Variants in MYO3A observed in about 807,000 individuals in gnomAD.
The protein encoded by MYO3A is myosin-IIIa.
MYO3A carries 180 observed loss-of-function variants against 192.7 expected under a neutral mutation model. The ratio of observed to expected loss-of-function variants is 0.93; its 90% CI spans 0.83 to 1.06. The LOEUF is 1.06. MYO3A is among the 50% of genes least tolerant of loss of function. The pLI is 0.00. For synonymous variants in MYO3A, 628 were observed against 645.3 expected (o/e 0.97, Z 0.41); for missense variants, 1,896 against 1,905.0 (o/e 1.00, Z 0.09).
chr10:26,032,215 CT>C (rs1272551494), intron 10 of MYO3A, among the ~76,000 whole-genome samples: 1 of 152,176 alleles, frequency 6.6e-6, no homozygotes, highest in African/African-American at 2.4e-5. Flanking sequence ...AACTAGTCCA[CT>C]TGTCCCAGCA....
chr10:26,134,358 AACT>A (rs1839726143), intron 20 of MYO3A, among the ~76,000 whole-genome samples: 1 of 152,202 alleles, frequency 6.6e-6, no homozygotes, highest in African/African-American at 2.4e-5. Context: ...TTAACATAAA[AACT>A]AACAGGATCA....
intron 30 of MYO3A, among the ~76,000 whole-genome samples, chr10:26,176,046 GA>G (rs1251952070): frequency 6.6e-6 from 1 of 152,188 alleles, no homozygotes; most frequent in Non-Finnish European, 1.5e-5. Context: ...TGTAATCCCA[GA>G]ACTTTGGTAG....
chr10:26,038,366 C>T (rs1843150249), intron 10 of MYO3A, among the ~76,000 whole-genome samples: 1 of 151,880 alleles, frequency 6.6e-6, no homozygotes, highest in Non-Finnish European at 1.5e-5. Flanking sequence ...TTTGGTGTCC[C>T]CTTCAATTTC....
intron 34 of MYO3A, among the ~76,000 whole-genome samples, chr10:26,207,010 T>G (rs73594318): frequency 1.6e-3 from 245 of 152,310 alleles, no homozygotes; most frequent in African/African-American, 5.6e-3. Context: ...TGAGAAATGT[T>G]TATTTGGGTC....
chr10:26,179,089 ATTTTT>A (rs59025321), intron 31 of MYO3A, among the ~76,000 whole-genome samples: 5 of 66,136 alleles, frequency 7.6e-5, no homozygotes, highest in African/African-American at 2.8e-4. Context: ...GCCCAGCCTA[ATTTTT>A]TTTTTTTTTT....
chr10:26,072,944 T>C (rs1442559600), intron 14 of MYO3A, among the ~76,000 whole-genome samples: 2 of 152,172 alleles, frequency 1.3e-5, no homozygotes, highest in Non-Finnish European at 2.9e-5. Context: ...CTCCAGAAAG[T>C]GGAATAAACA....
intron 18 of MYO3A, among the ~76,000 whole-genome samples, chr10:26,121,580 T>A (rs1442169804): frequency 2.6e-5 from 4 of 152,078 alleles, no homozygotes; most frequent in African/African-American, 9.7e-5. Flanking sequence ...TGAAACCCTG[T>A]CTCTACTAAA....
intron 31 of MYO3A, among the ~76,000 whole-genome samples, chr10:26,182,943 A>G (rs1274689546): frequency 6.8e-6 from 1 of 146,006 alleles, no homozygotes; most frequent in Non-Finnish European, 1.5e-5. Flanking sequence ...GCTCACATAT[A>G]AGCGAGATGA....
chr10:26,031,792 C>T lies in MYO3A; in HGVS notation c.953+5260C>T, dbSNP rs1842813140. ...AGCTTACTTGCACAAGCCACCACAT[C>T]TACCTCCTGTATGGAATATTTAACA... On this transcript the variant is annotated intron_variant, in intron 10 of 34. Coordinates refer to ENST00000642920, the MANE Select transcript of MYO3A (RefSeq NM_017433.5). 3.9e-5 allele frequency among the ~76,000 whole-genome samples: 6 copies of T among 152,356 alleles called. No individual in the cohort carries two copies. The South Asian group carries it at 1.2e-3, about 32-fold the overall frequency.
intron 20 of MYO3A, among the ~76,000 whole-genome samples, chr10:26,134,711 C>T (rs1354752140): frequency 8.6e-5 from 13 of 152,018 alleles, no homozygotes; most frequent in Admixed American, 8.5e-4. Context: ...AAAACATACT[C>T]AGTTCATCCT....
chr10:25,934,402 G>C (rs902162448), intron 1 of MYO3A, 74 bp downstream of exon 1: 2 of 152,386 alleles, frequency 1.3e-5, no homozygotes, highest in Admixed American at 1.3e-4. Flanking sequence ...CGCTGGAAAC[G>C]GCCCCGCTTC....
At chr10:26,093,929 AC>A (rs555443345) in intron 15 of MYO3A, among the ~76,000 whole-genome samples, 49 of 151,896 alleles carry the variant, frequency 3.2e-4, no homozygotes, top group African/African-American at 1.2e-3. Flanking sequence ...GTTATATAAG[AC>A]CCCCCGACTC....
intron 4 of MYO3A, among the ~76,000 whole-genome samples, chr10:25,989,771 A>G (rs1008596941): frequency 3.3e-5 from 5 of 152,174 alleles, no homozygotes; most frequent in Non-Finnish European, 7.3e-5. Flanking sequence ...TCAGTTTTTC[A>G]ATTTGCTTTC....
chr10:26,045,637 A>C (rs1362025617), intron 10 of MYO3A, among the ~76,000 whole-genome samples: 1 of 152,164 alleles, frequency 6.6e-6, no homozygotes, highest in South Asian at 2.1e-4. Context: ...TTTAGGTCTC[A>C]GAAGCAGTCC....
intron 4 of MYO3A, among the ~76,000 whole-genome samples, chr10:25,981,990 G>T (rs1302744653): frequency 6.6e-6 from 1 of 152,128 alleles, no homozygotes; most frequent in Non-Finnish European, 1.5e-5. Flanking sequence ...CGTAGTCTGG[G>T]GCAAGCTCTC....
intron 4 of MYO3A, among the ~76,000 whole-genome samples, chr10:25,990,781 C>A (rs1483397244): frequency 6.6e-6 from 1 of 151,160 alleles, no homozygotes; most frequent in Non-Finnish European, 1.5e-5. Flanking sequence ...TTGTCCTTGC[C>A]ATAGTTTGCT....
In MYO3A at chr10:26,143,552, A is replaced by C. The variant is rs750512763; in HGVS notation, c.2367A>C (p.Leu789=). ...AAAAGCCAATGGGTTTACTTTCCCT[A>C]CTTGATGAAGAAAGTAGATTTCCCA... ...FLQKPMGLLS[L]LDEESRFPKA... is the part of the protein sequence containing the mutation. The change falls in exon 21 of 35, where the codon CTA becomes CTC. Residue 789 remains leucine, a synonymous_variant. Coordinates refer to ENST00000642920, the MANE Select transcript of MYO3A (RefSeq NM_017433.5). The C allele has an allele frequency of 6.2e-7, 1 of 1,614,066 alleles. No individual in the cohort carries two copies. Among genetic ancestry groups the C allele is most frequent in the Admixed American group, 1.7e-5 (1 of 60,020 alleles).
At chr10:26,002,018 C>T (rs1840859274) in intron 6 of MYO3A, among the ~76,000 whole-genome samples, 1 of 152,112 alleles carries the variant, frequency 6.6e-6, no homozygotes, top group Non-Finnish European at 1.5e-5. Context: ...ATGGAGAAAA[C>T]ACTTTTATCC....
rs147868075 is a variant in MYO3A at position 26,058,906 on chromosome 10, A to T, written c.954-8069A>T. ...AGAGTTTTGTAATTTTCTTGTATGT[A>T]TTTTGTTAGATTTATACTTAAGTAT... On this transcript the variant is annotated intron_variant, in intron 10 of 34. Coordinates refer to ENST00000642920, the MANE Select transcript of MYO3A (RefSeq NM_017433.5). Among the ~76,000 whole-genome samples, 686 of 149,076 alleles carry T rather than the reference A, an allele frequency of 4.6e-3. 5 individuals carry two copies. The highest frequency in any genetic ancestry group is 0.016 in the African/African-American group (651 of 40,882).
Sources: allele counts gnomAD v4.1 joint callset (sites outside exome capture counted in the v4.1 genomes callset), GRCh38; gene constraint gnomAD v4.1.1; transcripts MANE v1.5; gene names NCBI Gene and HGNC (gene_info 2026-07-23, HGNC 2026-07-21).